Variants in TNRC18 observed in about 807,000 individuals in gnomAD.
The protein encoded by TNRC18 is trinucleotide repeat-containing gene 18 protein.
Under a neutral mutation model 226.7 loss-of-function variants are expected in TNRC18, and 69 were observed. The ratio of observed to expected loss-of-function variants is 0.30; its 90% CI spans 0.25 to 0.37. The LOEUF (loss-of-function observed/expected upper bound fraction) is 0.37, where lower values mean the gene tolerates loss of function less well. TNRC18 is among the 10% of genes least tolerant of loss of function. The pLI is 1.00. For missense variants in TNRC18, 4,754 were observed against 4,256.6 expected, an observed-to-expected ratio of 1.12 and a Z score of -3.25; for synonymous variants, 2,449 against 1,927.6, an observed-to-expected ratio of 1.27 and a Z score of -7.09.
intron 5 of TNRC18, among the ~76,000 whole-genome samples, chr7:5,387,313 G>A (rs1310429895): frequency 1.3e-5 from 2 of 152,146 alleles, no homozygotes; most frequent in Non-Finnish European, 2.9e-5. Context: ...CACTGGAATC[G>A]GTAAGGCACA....
At chr7:5,336,439 G>T (rs548275693) in intron 18 of TNRC18, among the ~76,000 whole-genome samples, 1 of 151,970 alleles carries the variant, frequency 6.6e-6, no homozygotes, top group African/African-American at 2.4e-5. Flanking sequence ...AGAACCAAAT[G>T]AACCAATTGT....
chr7:5,411,490 C>T (rs1781840484), intron 2 of TNRC18, among the ~76,000 whole-genome samples: 1 of 144,580 alleles, frequency 6.9e-6, no homozygotes, highest in Non-Finnish European at 1.5e-5. Context: ...CACACTCCAG[C>T]CTGGGTGACA....
At chr7:5,402,148 C>T (rs987131592) in intron 2 of TNRC18, among the ~76,000 whole-genome samples, 3 of 141,308 alleles carry the variant, frequency 2.1e-5, no homozygotes, top group Non-Finnish European at 4.5e-5. Flanking sequence ...CACTGTACTC[C>T]AGCCTGGGCA....
At position 5,388,705 on chromosome 7, in the gene TNRC18, G is replaced by A. The variant is rs927817095; in HGVS notation, c.1119C>T (p.Thr373=). The change falls in exon 5 of 30, where the codon ACC becomes ACT. Residue 373 remains threonine, a synonymous_variant. Transcript: ENST00000430969. ...CGAAGGCCTCCACGGAAGGCACGAA[G>A]GTGGGCGCCACCACGCGGTGCTCAC... The part of the protein sequence containing the change: ...QGREHRVVAP[T]FVPSVEAFDE... The A allele has an allele frequency of 7.9e-6, 10 of 1,266,136 alleles. No individual in the cohort carries two copies. The Admixed American group carries it at 1.3e-4, about 17-fold the overall frequency. 78.4% of individuals were successfully genotyped at this position (1,266,136 alleles called of 1,614,324 possible). A position where few individuals can be genotyped will look rare whatever the true frequency, so the allele number is the denominator to read the frequency against.
At chr7:5,325,638 A>C (rs532101351) in intron 19 of TNRC18, 5 of 193,388 alleles carry the variant, frequency 2.6e-5, no homozygotes, top group African/African-American at 5.0e-5. Context: ...GTTTGCGAGG[A>C]TGGTCTCGAT....
chr7:5,374,073 A>G lies in TNRC18; in HGVS notation c.3211T>C (p.Phe1071Leu). Residue 1071 changes from phenylalanine (F) to leucine (L), a missense_variant, in exon 10 of 30, where the codon TTC (phenylalanine) becomes CTC (leucine). Physicochemically the swap from Phe to Leu is conservative, Grantham distance 22. Transcript: ENST00000430969. ...ATCCTACCTGAGAACAGGGCCTGGA[A>G]GGGGCTGGGGGCTTCCTTCTCCAAC... ...LELEKEAPSP[F>L]QALFSDIPPR... 6.4e-7 allele frequency: 1 copy of G among 1,574,304 alleles called. No individual in the cohort carries two copies. Among genetic ancestry groups the G allele is most frequent in the Non-Finnish European group, 8.6e-7 (1 of 1,163,476 alleles).
chr7:5,351,800 T>G lies in TNRC18; in HGVS notation c.5470+19A>C, dbSNP rs1418499142. On this transcript the variant is annotated intron_variant, in intron 17 of 29. Coordinates refer to ENST00000430969, the MANE Select transcript of TNRC18 (RefSeq NM_001080495.3). The stretch of plus-strand genomic sequence containing the variant: ...TCGCTAGGAAACACGGAAGGTATTT[T>G]GTGTTTGGAGCTAGTAACCTTGGTC... 1 of 1,558,960 alleles carries G rather than the reference T, an allele frequency of 6.4e-7. No individual in the cohort carries two copies. The highest frequency in any genetic ancestry group is 8.7e-7 in the Non-Finnish European group (1 of 1,154,166).
At chr7:5,353,478 G>C (rs1332022895) in intron 16 of TNRC18, among the ~76,000 whole-genome samples, 1 of 148,954 alleles carries the variant, frequency 6.7e-6, no homozygotes, top group East Asian at 2.0e-4. Context: ...AGGATCACTT[G>C]AACCCGGGAG....
intron 2 of TNRC18, among the ~76,000 whole-genome samples, chr7:5,396,563 C>T (rs1486908529): frequency 6.6e-6 from 1 of 152,090 alleles, no homozygotes; most frequent in East Asian, 1.9e-4. Flanking sequence ...AGCCATGGCA[C>T]CCATTCGCTA....
At position 5,318,051 on chromosome 7, in the gene TNRC18, T is replaced by C. The variant is rs540354146; in HGVS notation, c.6746-1979A>G. On this transcript the variant is annotated intron_variant, in intron 24 of 29. Coordinates refer to ENST00000430969, the MANE Select transcript of TNRC18 (RefSeq NM_001080495.3). ...CACGCCCAGCTTATTTTTGTATTTTTAATAGAGACGGGGTTTCACCATGCT... is the reference window on the plus strand; with the variant it reads ...CACGCCCAGCTTATTTTTGTATTTTCAATAGAGACGGGGTTTCACCATGCT... Among the ~76,000 whole-genome samples, 345 of 152,236 alleles carry C rather than the reference T, an allele frequency of 2.3e-3. 2 individuals are homozygous for C. Among genetic ancestry groups the C allele is most frequent in the African/African-American group, 7.6e-3 (317 of 41,542 alleles).
intron 2 of TNRC18, among the ~76,000 whole-genome samples, chr7:5,399,799 T>C (rs535427190): frequency 6.6e-6 from 1 of 152,036 alleles, no homozygotes; most frequent in East Asian, 1.9e-4. Context: ...GGGTGGATCG[T>C]GGATCACTTG....
chr7:5,351,505 G>C (rs1055872568), intron 17 of TNRC18, among the ~76,000 whole-genome samples: 7 of 151,968 alleles, frequency 4.6e-5, no homozygotes, highest in African/African-American at 1.7e-4. Context: ...CTCGGGGGAG[G>C]GGGAGGAGGG....
rs372770352 is a variant in TNRC18 at position 5,413,955 on chromosome 7, CTTAT to C, written c.187+7101_187+7104del. On this transcript the variant is annotated intron_variant, in intron 2 of 29. Transcript: ENST00000430969. ...AACAACTGTGAACTGCTCTCACTGT[CTTAT>C]TTGTTTTTTTTGAGATGGAGTCTCA... is the stretch of plus-strand genomic sequence containing the variant. Among the ~76,000 whole-genome samples, 1,059 of 152,190 alleles carry C rather than the reference CTTAT, an allele frequency of 7.0e-3. 17 individuals are homozygous for C. Among genetic ancestry groups the C allele is most frequent in the African/African-American group, 0.024 (998 of 41,540 alleles).
At chr7:5,323,400 C>A (rs1272422658) in intron 21 of TNRC18, among the ~76,000 whole-genome samples, 1 of 150,394 alleles carries the variant, frequency 6.6e-6, no homozygotes, top group Non-Finnish European at 1.5e-5. Context: ...CCGACCCCAC[C>A]TCCCATCCAC....
chr7:5,320,325 C>T lies in TNRC18; in HGVS notation c.6738G>A (p.Val2246=), dbSNP rs1303415503. 1.3e-6 allele frequency: 2 copies of T among 1,553,308 alleles called. No individual in the cohort carries two copies. Among genetic ancestry groups the T allele is most frequent in the South Asian group, 2.4e-5 (2 of 84,058 alleles). ...QQYRCLYPGT[V]VRGLLDLEDD... ...GGGGAGGAGGCATCTCACCTCGGAC[C>T]ACAGTGCCTGGGTAGAGACAGCGGT... Residue 2246 remains valine (V), a synonymous_variant, in exon 24 of 30, where the codon GTG becomes GTA. Coordinates refer to ENST00000430969, the MANE Select transcript of TNRC18 (RefSeq NM_001080495.3).
Position 5,324,397 on chromosome 7 carries a change from C to T in TNRC18, c.6301-42G>A, listed in dbSNP as rs779006584. ...GCCGACAAATGACTTAGGACCTGAA[C>T]AGGGGTCCTGCCGGGTTGGGGACCC... On this transcript the variant is annotated intron_variant, in intron 20 of 29. Coordinates refer to ENST00000430969, the MANE Select transcript of TNRC18 (RefSeq NM_001080495.3). This position sits in a 1 kb window ranked among gnomAD's most constrained non-coding sequence, Gnocchi z 4.8. 2.5e-6 allele frequency: 4 copies of T among 1,604,906 alleles called. No homozygotes were observed. The East Asian group carries it at 6.7e-5, about 27-fold the overall frequency.
At chr7:5,342,274 CA>C in intron 18 of TNRC18, among the ~76,000 whole-genome samples, 2 of 152,066 alleles carry the variant, frequency 1.3e-5, no homozygotes, top group South Asian at 4.2e-4. Flanking sequence ...ACTAAAAATA[CA>C]AAAATCTGCC....
intron 2 of TNRC18, among the ~76,000 whole-genome samples, chr7:5,407,545 G>A (rs1041462195): frequency 1.3e-4 from 20 of 152,212 alleles, no homozygotes; most frequent in African/African-American, 4.8e-4. Flanking sequence ...CACAGCACCA[G>A]CCGGCAATTC....
In TNRC18 at chr7:5,315,969, G is replaced by C. The variant is rs1452779672; in HGVS notation, c.6849C>G (p.Asp2283Glu). Reference sequence around the variant, plus strand: ...CTTGTCACTTACACTGTATCTTATAGTCAGGGGGCAGGAGGCGGATATGTG... The same window carrying C: ...CTTGTCACTTACACTGTATCTTATACTCAGGGGGCAGGAGGCGGATATGTG... ...PLSHIRLLPP[D>E]YKIQCAEPSP... The change falls in exon 25 of 30, where the codon GAC becomes GAG. Residue 2283 changes from aspartate (D) to glutamate (E), a missense_variant. Transcript: ENST00000430969. 4 of 1,595,908 alleles carry C rather than the reference G, an allele frequency of 2.5e-6. No individual in the cohort carries two copies. Among genetic ancestry groups the C allele is most frequent in the African/African-American group, 2.7e-5 (2 of 73,420 alleles).
Sources: allele counts gnomAD v4.1 joint callset (sites outside exome capture counted in the v4.1 genomes callset), GRCh38; gene constraint gnomAD v4.1.1; non-coding constraint Gnocchi (gnomAD v3.1); transcripts MANE v1.5; gene names NCBI Gene and HGNC (gene_info 2026-07-23, HGNC 2026-07-21).